The following ADGRV1 variants were observed in gnomAD, a reference collection of about 807,000 sequenced individuals.
ADGRV1 encodes adhesion G protein-coupled receptor V1.
Under a neutral mutation model 596.2 loss-of-function variants are expected in ADGRV1, and 359 were observed. The ratio of observed to expected loss-of-function variants is 0.60; its 90% CI spans 0.55 to 0.66. The LOEUF (loss-of-function observed/expected upper bound fraction) is 0.66, where lower values mean the gene tolerates loss of function less well. ADGRV1 is among the 30% of genes least tolerant of loss of function. The pLI is 0.00. For missense variants in ADGRV1, 7,274 were observed against 7,575.6 expected (o/e 0.96, Z 1.48); for synonymous variants, 2,681 against 2,679.2 (o/e 1.00, Z -0.02).
chr5:91,066,185 C>T (rs1787870224), intron 85 of ADGRV1, among the ~76,000 whole-genome samples: 1 of 152,188 alleles, frequency 6.6e-6, no homozygotes, highest in African/African-American at 2.4e-5. Context: ...CTTCCACAGC[C>T]CTGGTGCGGG....
intron 83 of ADGRV1, among the ~76,000 whole-genome samples, chr5:90,950,675 G>C (rs972494500): frequency 1.3e-5 from 2 of 151,906 alleles, no homozygotes; most frequent in Non-Finnish European, 2.9e-5. Flanking sequence ...CAATTATACA[G>C]GATAAAGAAA....
Position 90,823,479 on chromosome 5 carries a change from C to T in ADGRV1, c.16251C>T (p.Val5417=), listed in dbSNP as rs369762787. Residue 5417 remains valine (V), a synonymous_variant, in exon 76 of 90, where the codon GTC becomes GTT. Coordinates refer to ENST00000405460, the MANE Select transcript of ADGRV1 (RefSeq NM_032119.4). ...GAGTCACACTTAACAAAACAGTCGT[C>T]GTGCTCCAGAAGGATGGGGTAAACC... is the stretch of plus-strand genomic sequence containing the variant. ...FWRVTLNKTV[V]VLQKDGVNLV... 29 of 1,613,776 alleles carry T rather than the reference C, an allele frequency of 1.8e-5. No individual in the cohort carries two copies. The highest frequency in any genetic ancestry group is 4.5e-5 in the East Asian group (2 of 44,876).
intron 75 of ADGRV1, among the ~76,000 whole-genome samples, chr5:90,819,745 C>T (rs1332569525): frequency 6.6e-6 from 1 of 151,948 alleles, no homozygotes; most frequent in East Asian, 1.9e-4. Flanking sequence ...ATTCTTAATC[C>T]TGAGTTCCAG....
chr5:90,601,677 T>C (rs1761424763), intron 1 of ADGRV1, among the ~76,000 whole-genome samples: 1 of 152,210 alleles, frequency 6.6e-6, no homozygotes, highest in African/African-American at 2.4e-5. Context: ...AGCCTGCTCA[T>C]AGTTGCCCTG....
intron 5 of ADGRV1, among the ~76,000 whole-genome samples, chr5:90,623,421 A>AT (rs936060787): frequency 2.6e-5 from 4 of 151,752 alleles, no homozygotes; most frequent in African/African-American, 4.8e-5. Context: ...ATTTTATTTT[A>AT]TTTTTTTTGA....
At chr5:90,619,512 A>G (rs1322869876) in intron 4 of ADGRV1, among the ~76,000 whole-genome samples, 1 of 152,150 alleles carries the variant, frequency 6.6e-6, no homozygotes, top group Non-Finnish European at 1.5e-5. Context: ...TGTCACCTAA[A>G]GAAAGTGTTG....
chr5:91,147,023 C>T (rs1251400354), intron 87 of ADGRV1, among the ~76,000 whole-genome samples: 2 of 151,808 alleles, frequency 1.3e-5, no homozygotes, highest in African/African-American at 4.8e-5. Context: ...AAAAACTAGC[C>T]AAACATGGTG....
chr5:91,058,727 C>T (rs1401364992), intron 85 of ADGRV1, among the ~76,000 whole-genome samples: 1 of 152,106 alleles, frequency 6.6e-6, no homozygotes. Context: ...AGTTTCAACA[C>T]TGATTTTGCA....
intron 87 of ADGRV1, among the ~76,000 whole-genome samples, chr5:91,110,759 A>G (rs969854602): frequency 6.6e-6 from 1 of 152,166 alleles, no homozygotes; most frequent in Non-Finnish European, 1.5e-5. Flanking sequence ...AAAATCTGAA[A>G]CGCATTCTTC....
chr5:91,025,431 A>C (rs139790809), intron 85 of ADGRV1, among the ~76,000 whole-genome samples: 10 of 152,304 alleles, frequency 6.6e-5, no homozygotes, highest in Non-Finnish European at 1.5e-4. Context: ...CTACCCAAAA[A>C]GCATATGGGA....
intron 83 of ADGRV1, among the ~76,000 whole-genome samples, chr5:90,956,576 A>C (rs1277293445): frequency 1.3e-5 from 2 of 152,182 alleles, no homozygotes; most frequent in East Asian, 3.9e-4. Flanking sequence ...TACGTGTAAA[A>C]TTTAGTTCAA....
chr5:90,645,183 C>T (rs1350584838), intron 15 of ADGRV1, among the ~76,000 whole-genome samples: 1 of 152,188 alleles, frequency 6.6e-6, no homozygotes, highest in East Asian at 1.9e-4. Context: ...ATCAAGTGTC[C>T]TGTGGTGCAG....
At chr5:90,958,452 G>A (rs1777697993) in intron 83 of ADGRV1, among the ~76,000 whole-genome samples, 1 of 152,044 alleles carries the variant, frequency 6.6e-6, no homozygotes, top group Non-Finnish European at 1.5e-5. Context: ...ACCTAATAAA[G>A]GTATCTATGA....
At chr5:90,982,187 G>GT (rs1780131761) in intron 84 of ADGRV1, among the ~76,000 whole-genome samples, 1 of 152,186 alleles carries the variant, frequency 6.6e-6, no homozygotes. Flanking sequence ...AATATGAGAA[G>GT]TATTTAGGTC....
At chr5:90,807,483 C>T in intron 72 of ADGRV1, 119 bp from the exon 73 acceptor site, 1 of 992,596 alleles carries the variant, frequency 1.0e-6, no homozygotes, top group Non-Finnish European at 1.4e-6. Context: ...AATGTTTTAC[C>T]TTTTGTGAAC....
At chr5:90,559,472 A>G (rs1239882598) in intron 1 of ADGRV1, among the ~76,000 whole-genome samples, 2 of 152,152 alleles carry the variant, frequency 1.3e-5, no homozygotes, top group African/African-American at 4.8e-5. Context: ...ATGTATATGT[A>G]TATATATTTA....
chr5:90,687,352 G>A (rs1401285329), intron 29 of ADGRV1, among the ~76,000 whole-genome samples: 7 of 152,100 alleles, frequency 4.6e-5, no homozygotes, highest in African/African-American at 1.4e-4. Flanking sequence ...TAGGTCTAAC[G>A]TTTAAGTCTT....
chr5:90,719,598 A>T (rs1195945485), intron 43 of ADGRV1, among the ~76,000 whole-genome samples: 1 of 152,128 alleles, frequency 6.6e-6, no homozygotes, highest in African/African-American at 2.4e-5. Flanking sequence ...ATCACTGAGT[A>T]GCATTTTATA....
At chr5:90,674,358 A>C in intron 23 of ADGRV1, 124 bp downstream of exon 23, 1 of 552,774 alleles carries the variant, frequency 1.8e-6, no homozygotes, top group Non-Finnish European at 3.0e-6. Flanking sequence ...CCTAATTTCT[A>C]AACTCTTTAA....
Sources: allele counts gnomAD v4.1 joint callset (sites outside exome capture counted in the v4.1 genomes callset), GRCh38; gene constraint gnomAD v4.1.1; transcripts MANE v1.5; gene names NCBI Gene and HGNC (gene_info 2026-07-23, HGNC 2026-07-21).